AGTPBP1: variants seen among roughly 807,000 people sequenced by gnomAD.
AGTPBP1 encodes cytosolic carboxypeptidase 1.
AGTPBP1 carries 70 observed loss-of-function variants against 143.9 expected under a neutral mutation model. That is an observed-to-expected ratio of 0.49 (90% confidence interval 0.40 to 0.59). The LOEUF (loss-of-function observed/expected upper bound fraction) is 0.59, where lower values mean the gene tolerates loss of function less well. Among genes scored for constraint, AGTPBP1 ranks in the 20% least tolerant of loss-of-function variants. The pLI, the probability that AGTPBP1 is intolerant of heterozygous loss-of-function variation, is 0.00. For missense variants in AGTPBP1, 1,229 were observed against 1,464.5 expected, an observed-to-expected ratio of 0.84 and a Z score of 2.62; for synonymous variants, 463 against 500.2, an observed-to-expected ratio of 0.93 and a Z score of 0.99.
At chr9:85,706,486 G>GACGACAGA (rs1837006203) in intron 2 of AGTPBP1, among the ~76,000 whole-genome samples, 1 of 150,102 alleles carries the variant, frequency 6.7e-6, no homozygotes, top group African/African-American at 2.5e-5. Flanking sequence ...CTCCAGCCTG[G>GACGACAGA]GCCACATGGT....
chr9:85,755,525 T>G, the AGTPBP1 span, among the ~76,000 whole-genome samples: 1 of 152,322 alleles, frequency 6.6e-6, no homozygotes, highest in African/African-American at 2.4e-5. Flanking sequence ...CATCTGTGTC[T>G]TCCACTGTGT....
At chr9:85,750,356 A>T in the AGTPBP1 span, among the ~76,000 whole-genome samples, 71 of 152,352 alleles carry the variant, frequency 4.7e-4, 1 homozygote, top group African/African-American at 1.3e-3. Flanking sequence ...AATAGAGTCC[A>T]AATTCACTTA....
At chr9:85,599,824 G>C (rs1438528701) in intron 17 of AGTPBP1, among the ~76,000 whole-genome samples, 1 of 152,192 alleles carries the variant, frequency 6.6e-6, no homozygotes, top group Non-Finnish European at 1.5e-5. Context: ...CTGGCTTCCA[G>C]TGCTATAGAT....
the AGTPBP1 span, chr9:85,788,068 C>T: frequency 6.6e-6 from 1 of 151,974 alleles, no homozygotes; most frequent in Non-Finnish European, 1.5e-5. Context: ...ACAAAACAAA[C>T]TTATAAAAAG....
In AGTPBP1 at chr9:85,741,849, C is replaced by T; in HGVS notation, c.-108G>A. On this transcript the variant is annotated 5_prime_UTR_variant, in exon 1 of 26. Coordinates refer to ENST00000357081, the MANE Select transcript of AGTPBP1 (RefSeq NM_001330701.2). ...GCTCAGCACCTGGATCACGGCGGAT[C>T]CCTCGCCGCCCGCCGCCCGGTGTTT... is the stretch of plus-strand genomic sequence containing the variant. 7.1e-7 allele frequency: 1 copy of T among 1,398,670 alleles called. No homozygotes were observed. The highest frequency in any genetic ancestry group is 9.3e-7 in the Non-Finnish European group (1 of 1,077,806). The allele number at this position is 1,398,670 out of a possible 1,614,324, so 86.6% of individuals were successfully genotyped here.
rs1167525023 is a variant in AGTPBP1 at position 85,574,990 on chromosome 9, T to C, written c.3503+325A>G. ...TCCCAAAGTGCTGGGATTACAGGCA[T>C]GAGCCACTGCACTCAGCTGTCTAAG... On this transcript the variant is annotated intron_variant, in intron 25 of 25. Transcript: ENST00000357081. Among the ~76,000 whole-genome samples the C allele has an allele frequency of 2.0e-5, 3 of 152,234 alleles. No individual in the cohort carries two copies. In the East Asian group the frequency reaches 5.8e-4, roughly 29 times the overall value.
intron 17 of AGTPBP1, among the ~76,000 whole-genome samples, chr9:85,597,922 AT>A (rs1470522616): frequency 6.6e-6 from 1 of 152,138 alleles, no homozygotes; most frequent in African/African-American, 2.4e-5. Flanking sequence ...GATCTTTCTT[AT>A]TTCAATTTAC....
At chr9:85,616,687 A>C (rs1830620353) in intron 17 of AGTPBP1, among the ~76,000 whole-genome samples, 1 of 151,976 alleles carries the variant, frequency 6.6e-6, no homozygotes, top group Non-Finnish European at 1.5e-5. Context: ...TAGCATCATT[A>C]CAAGTTAAAT....
At chr9:85,756,334 A>G in the AGTPBP1 span, 298 of 1,387,292 alleles carry the variant, frequency 2.1e-4, no homozygotes, top group Non-Finnish European at 2.7e-4. Flanking sequence ...GAAAAACATA[A>G]TAAGAAATGT....
rs1422192479 is a variant in AGTPBP1 at position 85,712,505 on chromosome 9, T to C, written c.29A>G (p.Lys10Arg). MSKLKVIPEKSLTNNSRIVG... is the reference protein window; with the variant it reads MSKLKVIPERSLTNNSRIVG... ...CTGATATTCAGAATTACAGTACCTT[T>C]TTTCTGGTATCACTTTTAACTTGCT... The change falls in exon 2 of 26, where the codon AAA (lysine) becomes AGA (arginine). Residue 10 changes from lysine to arginine, a missense_variant. By Grantham distance (26) the Lys-to-Arg change is conservative (BLOSUM62 2). Transcript: ENST00000357081. 1 of 1,494,984 alleles carries C rather than the reference T, an allele frequency of 6.7e-7. No individual in the cohort carries two copies. The highest frequency in any genetic ancestry group is 9.1e-7 in the Non-Finnish European group (1 of 1,104,706). The allele number at this position is 1,494,984 out of a possible 1,614,324, so 92.6% of individuals were successfully genotyped here.
the AGTPBP1 span, among the ~76,000 whole-genome samples, chr9:85,780,544 G>C: frequency 2.0e-5 from 3 of 151,492 alleles, no homozygotes; most frequent in African/African-American, 7.3e-5. Flanking sequence ...TACTAAAGCA[G>C]CCAATGAACA....
the AGTPBP1 span, among the ~76,000 whole-genome samples, chr9:85,760,257 T>C: frequency 6.6e-6 from 1 of 152,164 alleles, no homozygotes; most frequent in East Asian, 1.9e-4. Flanking sequence ...GAATCCTCCC[T>C]AACTCATTTT....
intron 17 of AGTPBP1, among the ~76,000 whole-genome samples, chr9:85,601,679 CACCT>C (rs1458971281): frequency 6.6e-6 from 1 of 152,206 alleles, no homozygotes; most frequent in Non-Finnish European, 1.5e-5. Flanking sequence ...AGGACCCACC[CACCT>C]ATCTGGCCCA....
the AGTPBP1 span, among the ~76,000 whole-genome samples, chr9:85,774,658 A>G: frequency 1.3e-5 from 2 of 152,176 alleles, no homozygotes; most frequent in Non-Finnish European, 2.9e-5. Context: ...TGGCAGCAAA[A>G]TCATTGTTAG....
the AGTPBP1 span, among the ~76,000 whole-genome samples, chr9:85,799,809 C>T: frequency 3.3e-5 from 5 of 152,086 alleles, no homozygotes; most frequent in Admixed American, 1.3e-4. Context: ...TTAGCCAGTG[C>T]GCCCAGTCAA....
chr9:85,738,449 A>G (rs1571122), intron 1 of AGTPBP1, among the ~76,000 whole-genome samples: 47,430 of 151,820 alleles, frequency 0.31, 11,568 homozygotes, highest in East Asian at 0.77. Flanking sequence ...AGAATGCTTA[A>G]AAAAATTGAT....
At chr9:85,636,307 G>A (rs1270008648) in intron 13 of AGTPBP1, among the ~76,000 whole-genome samples, 1 of 146,586 alleles carries the variant, frequency 6.8e-6, no homozygotes, top group Non-Finnish European at 1.5e-5. Flanking sequence ...CTGTCTCCAG[G>A]CTGGAGTGCA....
chr9:85,580,514 G>T (rs931138578), intron 23 of AGTPBP1, among the ~76,000 whole-genome samples: 2 of 151,844 alleles, frequency 1.3e-5, no homozygotes, highest in Non-Finnish European at 2.9e-5. Flanking sequence ...TAGGAGAAAA[G>T]ACTATTTTAA....
chr9:85,747,735 G>A, the AGTPBP1 span, among the ~76,000 whole-genome samples: 1 of 152,072 alleles, frequency 6.6e-6, no homozygotes, highest in African/African-American at 2.4e-5. Context: ...ACTCACCTAG[G>A]ATGGAGTATA....
Sources: allele counts gnomAD v4.1 joint callset (sites outside exome capture counted in the v4.1 genomes callset), GRCh38; gene constraint gnomAD v4.1.1; transcripts MANE v1.5; gene names NCBI Gene and HGNC (gene_info 2026-07-23, HGNC 2026-07-21).